Variants in SETDB2 observed in about 807,000 individuals in gnomAD.
SETDB2 encodes the protein SET domain bifurcated histone lysine methyltransferase 2.
SETDB2 carries 56 observed loss-of-function variants against 82.5 expected under a neutral mutation model. That is an observed-to-expected ratio of 0.68 (90% confidence interval 0.55 to 0.85). SETDB2 has a LOEUF of 0.85. Ranked by LOEUF, SETDB2 falls within the 40% of genes least tolerant of loss-of-function variation. The pLI is 0.00. For synonymous variants in SETDB2, 272 were observed against 284.9 expected (o/e 0.95, Z 0.46); for missense variants, 677 against 816.4 (o/e 0.83, Z 2.08).
At chr13:49,487,451 T>TGGGCTCAAA (rs1958619790) in intron 11 of SETDB2, among the ~76,000 whole-genome samples, 1 of 152,248 alleles carries the variant, frequency 6.6e-6, no homozygotes, top group East Asian at 1.9e-4. Context: ...TCCTCCCACC[T>TGGGCTCAAA]CAGTCTCCTG....
chr13:49,469,070 A>C (rs1958177047), intron 5 of SETDB2, among the ~76,000 whole-genome samples: 1 of 152,136 alleles, frequency 6.6e-6, no homozygotes, highest in Non-Finnish European at 1.5e-5. Context: ...ATTCCTGTGA[A>C]GTATCATTTT....
At position 49,467,967 on chromosome 13, in the gene SETDB2, A is replaced by G; in HGVS notation, c.305+7A>G. 6.4e-7 allele frequency: 1 copy of G among 1,558,474 alleles called. No homozygotes were observed. Among genetic ancestry groups the G allele is most frequent in the Non-Finnish European group, 8.7e-7 (1 of 1,145,940 alleles). On this transcript the variant is annotated splice_region_variant and intron_variant, in intron 5 of 13. Coordinates refer to ENST00000611815, the MANE Select transcript of SETDB2 (RefSeq NM_001160308.3). The stretch of plus-strand genomic sequence containing the variant: ...CAGAAGACTGTACATTTCTGTATGT[A>G]TATAAATTCTTTGTTATTAATGCTT...
intron 2 of SETDB2, among the ~76,000 whole-genome samples, chr13:49,458,368 C>T (rs185543524): frequency 7.2e-5 from 11 of 152,314 alleles, no homozygotes; most frequent in Admixed American, 7.2e-4. Flanking sequence ...AGATACTGTG[C>T]CCAGTTTGTT....
intron 2 of SETDB2, among the ~76,000 whole-genome samples, chr13:49,453,870 G>GTATATA (rs71188359): frequency 1.2e-4 from 18 of 150,508 alleles, no homozygotes; most frequent in South Asian, 2.1e-4. Flanking sequence ...GAGCAATGAA[G>GTATATA]TATATATATA....
At position 49,471,936 on chromosome 13, in the gene SETDB2, T is replaced by TATATATATA. The variant is rs71664753; in HGVS notation, c.305+3976_305+3977insATATATATA. Among the ~76,000 whole-genome samples the TATATATATA allele has an allele frequency of 2.7e-3, 259 of 95,736 alleles. 1 individual carries two copies. Among genetic ancestry groups the TATATATATA allele is most frequent in the African/African-American group, 7.2e-3 (128 of 17,876 alleles). 62.8% of individuals were successfully genotyped at this position (95,736 alleles called of 152,430 possible). A position where few individuals can be genotyped will look rare whatever the true frequency, so the allele number is the denominator to read the frequency against. On this transcript the variant is annotated intron_variant, in intron 5 of 13. Coordinates refer to ENST00000611815, the MANE Select transcript of SETDB2 (RefSeq NM_001160308.3). ...GACATATATATATATATATATATAT[T>TATATATATA]TTTTTTTTTTTTTAAATAGAGACAG... is the stretch of plus-strand genomic sequence containing the variant.
At chr13:49,470,619 A>G (rs7994130) in intron 5 of SETDB2, among the ~76,000 whole-genome samples, 109,226 of 152,000 alleles carry the variant, frequency 0.72, 39,483 homozygotes, top group East Asian at 0.82. Flanking sequence ...AGGTTGAGGC[A>G]GGAGGATCAC....
chr13:49,474,910 C>T (rs1958324435), intron 5 of SETDB2, among the ~76,000 whole-genome samples: 1 of 152,174 alleles, frequency 6.6e-6, no homozygotes, highest in Admixed American at 6.5e-5. Flanking sequence ...CCACATGTGC[C>T]CACTGGCTAC....
chr13:49,482,884 G>A lies in SETDB2; in HGVS notation c.1304G>A (p.Gly435Glu), dbSNP rs1253348519. 2 of 1,613,494 alleles carry A rather than the reference G, an allele frequency of 1.2e-6. No individual in the cohort carries two copies. The highest frequency in any genetic ancestry group is 1.7e-6 in the Non-Finnish European group (2 of 1,179,756). ...SDCEVEVLPL[G>E]LETHPRTAKT... ...TGTGAAGTTGAAGTTCTCCCATTAG[G>A]ATTGGAAACACATCCTAGAACTGCT... is the stretch of plus-strand genomic sequence containing the variant. The change falls in exon 9 of 14, where the codon GGA (glycine) becomes GAA (glutamate). Residue 435 changes from glycine to glutamate, a missense_variant. This residue lies in a region of SETDB2 where 420 missense variants were observed against 554.6 expected (regional missense o/e 0.76). Transcript: ENST00000611815.
At chr13:49,456,997 CAAAT>C (rs1051391275) in intron 2 of SETDB2, among the ~76,000 whole-genome samples, 4 of 151,984 alleles carry the variant, frequency 2.6e-5, no homozygotes, top group Non-Finnish European at 5.9e-5. Flanking sequence ...AAACCCAGAA[CAAAT>C]AAATATGAAT....
In SETDB2 at chr13:49,485,684, C is replaced by T; in HGVS notation, c.1537C>T (p.Pro513Ser). The T allele has an allele frequency of 6.2e-7, 1 of 1,614,102 alleles. No individual in the cohort carries two copies. Reference protein sequence around the residue: ...TPEDNDGFKPPREHLNSKTKG... With the variant: ...TPEDNDGFKPSREHLNSKTKG... ...AGAAGATAATGATGGATTTAAACCACCCCGAGAGCATCTGAACTCTAAAAC... is the reference window on the plus strand; with the variant it reads ...AGAAGATAATGATGGATTTAAACCATCCCGAGAGCATCTGAACTCTAAAAC... Residue 513 changes from proline (P) to serine (S), a missense_variant, in exon 11 of 14, where the codon CCC becomes TCC. Coordinates refer to ENST00000611815, the MANE Select transcript of SETDB2 (RefSeq NM_001160308.3).
Position 49,488,451 on chromosome 13 carries a change from CA to C in SETDB2, c.1741del (p.Ile581PhefsTer24). 2 of 1,614,056 alleles carry C rather than the reference CA, an allele frequency of 1.2e-6. No homozygotes were observed. The highest frequency in any genetic ancestry group is 1.7e-6 in the Non-Finnish European group (2 of 1,180,000). The stretch of plus-strand genomic sequence containing the variant: ...GAATATTAAAAAGGCAATTGAGGTT[CA>C]AATTCAGAAACCCCAAGAGGGACGA... Reference protein sequence around the residue: ...NQNIKKAIEVQIQKPQEGRST... With the variant: ...NQNIKKAIEVXIQKPQEGRST... On this transcript the variant is annotated frameshift_variant, in exon 12 of 14. Transcript: ENST00000611815. LOFTEE classifies it high-confidence loss of function.
chr13:49,448,503 TA>T (rs1957733185), intron 1 of SETDB2, among the ~76,000 whole-genome samples: 1 of 152,220 alleles, frequency 6.6e-6, no homozygotes, highest in African/African-American at 2.4e-5. Flanking sequence ...TCACCATTTC[TA>T]AATGTTCTTA....
chr13:49,446,872 A>G (rs1304719528), intron 1 of SETDB2, among the ~76,000 whole-genome samples: 2 of 152,166 alleles, frequency 1.3e-5, no homozygotes, highest in East Asian at 3.8e-4. Flanking sequence ...CTATTTCTCT[A>G]GGATATATAC....
chr13:49,457,946 G>A (rs956949386), intron 2 of SETDB2, among the ~76,000 whole-genome samples: 1 of 152,120 alleles, frequency 6.6e-6, no homozygotes, highest in Non-Finnish European at 1.5e-5. Flanking sequence ...TCCCTAGTAA[G>A]AGGTATTGAC....
chr13:49,472,740 G>T (rs1958275323), intron 5 of SETDB2, among the ~76,000 whole-genome samples: 1 of 151,870 alleles, frequency 6.6e-6, no homozygotes, highest in Non-Finnish European at 1.5e-5. Context: ...CTTTTCTAAG[G>T]TTCACACTAG....
intron 11 of SETDB2, chr13:49,485,956 T>C (rs1468187277): frequency 1.1e-5 from 7 of 623,508 alleles, no homozygotes; most frequent in Non-Finnish European, 2.0e-5. Context: ...TTTTAAATAG[T>C]TGAAAAAAAT....
chr13:49,490,679 A>C, intron 12 of SETDB2, 143 bp from the exon 13 acceptor site: 1 of 545,422 alleles, frequency 1.8e-6, no homozygotes. Flanking sequence ...CACTATTAAC[A>C]GGAGCTGTGA....
rs1258551466 is a variant in SETDB2, at chr13:49,492,478, T to G, written c.*629T>G. 6.6e-6 allele frequency: 1 copy of G among 152,532 alleles called. No homozygotes were observed. Among genetic ancestry groups the G allele is most frequent in the Admixed American group, 6.5e-5 (1 of 15,290 alleles). The allele number at this position is 152,532 out of a possible 1,614,324, so 9.4% of individuals were successfully genotyped here. ...CTGGCAAGCTCTTTGAAATGAGTCT[T>G]CTTTCCCACAGATTTTCTCTACTCT... is the stretch of plus-strand genomic sequence containing the variant. On this transcript the variant is annotated 3_prime_UTR_variant, in exon 14 of 14. Coordinates refer to ENST00000611815, the MANE Select transcript of SETDB2 (RefSeq NM_001160308.3).
intron 1 of SETDB2, chr13:49,445,927 ACTCCGTCTC>A (rs1957670906): frequency 2.1e-5 from 2 of 94,712 alleles, no homozygotes; most frequent in Non-Finnish European, 3.6e-5. Context: ...ACAGAGCGAG[ACTCCGTCTC>A]AAAAAAAAAA....
Sources: allele counts gnomAD v4.1 joint callset (sites outside exome capture counted in the v4.1 genomes callset), GRCh38; gene constraint gnomAD v4.1.1; regional missense constraint gnomAD v4.1.1; transcripts MANE v1.5; gene names NCBI Gene and HGNC (gene_info 2026-07-23, HGNC 2026-07-21).